Variants in SLC25A48 observed in about 807,000 individuals in gnomAD.
SLC25A48 encodes solute carrier family 25 member 48, also known as CTC-321K16.1.
In SLC25A48, 29 loss-of-function variants were observed where a neutral mutation model predicts 32.2. The ratio of observed to expected loss-of-function variants is 0.90; its 90% confidence interval spans 0.67 to 1.23. SLC25A48 has a LOEUF of 1.23. SLC25A48 is among the 50% of genes most tolerant of loss of function. The probability of loss-of-function intolerance (pLI) is 0.00; values close to 1 mark genes in which losing one functional copy is unlikely to be tolerated. For missense variants in SLC25A48, 399 were observed against 422.7 expected, an observed-to-expected ratio of 0.94 and a Z score of 0.49; for synonymous variants, 164 against 172.3, an observed-to-expected ratio of 0.95 and a Z score of 0.38.
intron 3 of SLC25A48, chr5:135,803,207 G>T (rs1297149389): frequency 4.6e-5 from 7 of 151,154 alleles, no homozygotes; most frequent in African/African-American, 1.7e-4. Flanking sequence ...GGTGCACTCT[G>T]TATGATGTTA....
intron 4 of SLC25A48, among the ~76,000 whole-genome samples, chr5:135,870,158 G>A (rs890801057): frequency 1.3e-5 from 2 of 152,192 alleles, no homozygotes; most frequent in African/African-American, 4.8e-5. Flanking sequence ...CTGTTTACCA[G>A]CATGTGTAAA....
At chr5:135,783,960 A>AG (rs1403375621) in intron 3 of SLC25A48, among the ~76,000 whole-genome samples, 1 of 118,046 alleles carries the variant, frequency 8.5e-6, no homozygotes, top group African/African-American at 2.6e-5. Context: ...GCTAATAATC[A>AG]GGGGGGAAAA....
At chr5:135,750,500 A>C (rs941641481) in intron 3 of SLC25A48, among the ~76,000 whole-genome samples, 2 of 152,138 alleles carry the variant, frequency 1.3e-5, no homozygotes, top group African/African-American at 4.8e-5. Context: ...CAAAGCTGGG[A>C]AGTGGCAGTC....
chr5:135,839,810 T>G (rs150385051), intron 1 of SLC25A48, among the ~76,000 whole-genome samples: 121 of 152,270 alleles, frequency 7.9e-4, no homozygotes, highest in African/African-American at 2.7e-3. Flanking sequence ...GCTGTTCTTG[T>G]GGTAGTGAAT....
chr5:135,688,265 C>G (rs538800275), intron 3 of SLC25A48, among the ~76,000 whole-genome samples: 3 of 152,128 alleles, frequency 2.0e-5, no homozygotes, highest in Admixed American at 1.3e-4. Context: ...TTTTGCTTAT[C>G]CATTCATCCA....
At chr5:135,664,240 C>T (rs969876166) in intron 3 of SLC25A48, among the ~76,000 whole-genome samples, 1 of 152,224 alleles carries the variant, frequency 6.6e-6, no homozygotes, top group African/African-American at 2.4e-5. Flanking sequence ...GCGACAGACT[C>T]ATCATTCTGA....
intron 3 of SLC25A48, among the ~76,000 whole-genome samples, chr5:135,741,921 C>A (rs1755509686): frequency 6.6e-6 from 1 of 152,044 alleles, no homozygotes; most frequent in South Asian, 2.1e-4. Context: ...TATCCACGTG[C>A]AAGGAGAGAT....
chr5:135,612,505 A>G (rs577672114), intron 1 of SLC25A48, among the ~76,000 whole-genome samples: 27 of 152,210 alleles, frequency 1.8e-4, no homozygotes, highest in African/African-American at 6.3e-4. Flanking sequence ...GTCCCCATTG[A>G]CCCACCTCTT....
chr5:135,654,576 G>A lies in SLC25A48; in HGVS notation c.-521+19620G>A, dbSNP rs930248434. Among the ~76,000 whole-genome samples, 4 of 152,234 alleles carry A rather than the reference G, an allele frequency of 2.6e-5. No individual in the cohort carries two copies. In the South Asian group the frequency reaches 6.2e-4, roughly 24 times the overall value. On this transcript the variant is annotated intron_variant, in intron 3 of 10. Transcript: ENST00000646290. ...CTCAGGAAGAAACACTGGACATAAA[G>A]TGGGCAGGGCAAGGACAAACGAGTC...
chr5:135,678,920 C>T (rs1447160050), intron 3 of SLC25A48, among the ~76,000 whole-genome samples: 1 of 152,154 alleles, frequency 6.6e-6, no homozygotes, highest in African/African-American at 2.4e-5. Flanking sequence ...CTAGTGGTTA[C>T]AGTCACAGGC....
chr5:135,848,092 T>C (rs560143088), intron 2 of SLC25A48, among the ~76,000 whole-genome samples: 1 of 152,346 alleles, frequency 6.6e-6, no homozygotes, highest in Non-Finnish European at 1.5e-5. Flanking sequence ...GCTTTGCTGC[T>C]GGCCTCAGTG....
At chr5:135,766,628 G>A (rs1167683694) in intron 3 of SLC25A48, among the ~76,000 whole-genome samples, 1 of 150,752 alleles carries the variant, frequency 6.6e-6, no homozygotes, top group African/African-American at 2.4e-5. Context: ...TCTGTGATAT[G>A]GTTCATAATA....
At chr5:135,691,838 C>T (rs540453995) in intron 3 of SLC25A48, among the ~76,000 whole-genome samples, 29 of 152,272 alleles carry the variant, frequency 1.9e-4, no homozygotes, top group East Asian at 9.7e-4. Context: ...GCATGGGACA[C>T]GGACTCTGAC....
intron 3 of SLC25A48, among the ~76,000 whole-genome samples, chr5:135,770,764 T>C (rs1457103581): frequency 6.6e-6 from 1 of 151,202 alleles, no homozygotes; most frequent in Non-Finnish European, 1.5e-5. Context: ...ATATCCATAA[T>C]GTGAGAGGTT....
At chr5:135,796,343 T>C (rs554168621) in intron 3 of SLC25A48, among the ~76,000 whole-genome samples, 1 of 151,734 alleles carries the variant, frequency 6.6e-6, no homozygotes, top group South Asian at 2.1e-4. Context: ...CCCTGTGATA[T>C]GGTTTGTAAT....
At chr5:135,730,039 G>T (rs563444489) in intron 3 of SLC25A48, among the ~76,000 whole-genome samples, 10 of 152,272 alleles carry the variant, frequency 6.6e-5, no homozygotes, top group African/African-American at 1.9e-4. Context: ...ACAGGTGTAA[G>T]GTATATAAAG....
chr5:135,616,491 A>C (rs994283390), intron 1 of SLC25A48, among the ~76,000 whole-genome samples: 1 of 152,216 alleles, frequency 6.6e-6, no homozygotes, highest in Admixed American at 6.5e-5. Flanking sequence ...GTGTGTTTCA[A>C]ACTTGCATGT....
intron 3 of SLC25A48, among the ~76,000 whole-genome samples, chr5:135,740,219 T>C (rs997479463): frequency 1.1e-4 from 17 of 151,882 alleles, no homozygotes; most frequent in Admixed American, 6.6e-5. Context: ...TTTCAGACGG[T>C]GTCTCGGTCT....
intron 3 of SLC25A48, among the ~76,000 whole-genome samples, chr5:135,647,420 T>C (rs546194495): frequency 1.3e-5 from 2 of 152,320 alleles, no homozygotes; most frequent in African/African-American, 4.8e-5. Context: ...AGCACAGTCA[T>C]GCATGGGGCC....
Sources: gnomAD v4.1 joint callset for allele counts (sites outside exome capture counted in the v4.1 genomes callset) on GRCh38, gnomAD v4.1.1 for gene constraint, MANE v1.5 for transcripts, NCBI Gene and HGNC (gene_info 2026-07-23, HGNC 2026-07-21) for gene names.